Variants in NALF1 observed in about 807,000 individuals in gnomAD.
The protein encoded by NALF1 is NALCN channel auxiliary factor 1, also known as family with sequence similarity 155 member A.
Under a neutral mutation model 48.4 loss-of-function variants are expected in NALF1, and 3 were observed. The ratio of observed to expected loss-of-function variants is 0.06; its 90% CI spans 0.03 to 0.16. The LOEUF (loss-of-function observed/expected upper bound fraction) is 0.16, where lower values mean the gene tolerates loss of function less well. Ranked by LOEUF, NALF1 falls within the 10% of genes least tolerant of loss-of-function variation. The pLI is 1.00. For synonymous variants in NALF1, 262 were observed against 245.7 expected, an observed-to-expected ratio of 1.07 and a Z score of -0.62; for missense variants, 526 against 571.5, an observed-to-expected ratio of 0.92 and a Z score of 0.81.
intron 1 of NALF1, among the ~76,000 whole-genome samples, chr13:107,375,146 C>T (rs1883315313): frequency 6.6e-6 from 1 of 152,132 alleles, no homozygotes; most frequent in East Asian, 1.9e-4. Context: ...ATTTTAGCAA[C>T]TATTATCCAA....
chr13:107,834,157 G>C (rs909048919), intron 1 of NALF1, among the ~76,000 whole-genome samples: 1 of 152,142 alleles, frequency 6.6e-6, no homozygotes, highest in Non-Finnish European at 1.5e-5. Flanking sequence ...GAGTAATCTA[G>C]AGATGATTTA....
intron 1 of NALF1, among the ~76,000 whole-genome samples, chr13:107,664,862 T>G (rs1880817690): frequency 6.6e-6 from 1 of 152,118 alleles, no homozygotes; most frequent in South Asian, 2.1e-4. Context: ...ATTTGGTGTG[T>G]CTCTGCCCAG....
intron 1 of NALF1, among the ~76,000 whole-genome samples, chr13:107,360,336 C>T (rs1308026728): frequency 6.6e-6 from 1 of 152,134 alleles, no homozygotes; most frequent in Non-Finnish European, 1.5e-5. Context: ...ATTCAGACCC[C>T]AAATTGTATT....
intron 1 of NALF1, among the ~76,000 whole-genome samples, chr13:107,359,749 C>G (rs573052579): frequency 2.0e-5 from 3 of 152,066 alleles, no homozygotes; most frequent in African/African-American, 7.2e-5. Context: ...AATCAAAGAG[C>G]GCTTAAGGGC....
At chr13:107,741,422 C>A (rs1027516068) in intron 1 of NALF1, among the ~76,000 whole-genome samples, 1 of 152,136 alleles carries the variant, frequency 6.6e-6, no homozygotes, top group Non-Finnish European at 1.5e-5. Flanking sequence ...AGGATAAATG[C>A]TTTCATTATT....
At chr13:107,723,487 G>A (rs992673825) in intron 1 of NALF1, among the ~76,000 whole-genome samples, 4 of 152,170 alleles carry the variant, frequency 2.6e-5, no homozygotes, top group Non-Finnish European at 4.4e-5. Flanking sequence ...CTGAATGAAT[G>A]AGAGCATGTG....
rs1010016952 is a variant in NALF1 at position 107,362,056 on chromosome 13, G to A, written c.916-151301C>T. Among the ~76,000 whole-genome samples, 7 of 152,090 alleles carry A rather than the reference G, an allele frequency of 4.6e-5. No individual in the cohort carries two copies. Among genetic ancestry groups the A allele is most frequent in the African/African-American group, 1.2e-4 (5 of 41,408 alleles). ...CCTGAGAAACTAGTAAACAGAAGTC[G>A]CACTGCCAGCCTGCAGTGCATAGGT... On this transcript the variant is annotated intron_variant, in intron 1 of 2. Coordinates refer to ENST00000375915, the MANE Select transcript of NALF1 (RefSeq NM_001080396.3). The surrounding 1 kb of genome is among the most constrained non-coding windows in gnomAD (Gnocchi z 4.6).
intron 1 of NALF1, among the ~76,000 whole-genome samples, chr13:107,844,514 A>C (rs1013109910): frequency 7.9e-5 from 12 of 152,166 alleles, no homozygotes; most frequent in African/African-American, 2.9e-4. Flanking sequence ...ACTGAATTCA[A>C]TATTCAGTAG....
chr13:107,573,987 G>A lies in NALF1; in HGVS notation c.915+291695C>T, dbSNP rs114015490. Among the ~76,000 whole-genome samples, 1,099 of 152,132 alleles carry A rather than the reference G, an allele frequency of 7.2e-3. 8 individuals are homozygous for A. Among genetic ancestry groups the A allele is most frequent in the South Asian group, 0.027 (132 of 4,818 alleles). ...GAACAGACTAATACATTCCCCCATCGCTCTTTCTTGCTACAGTAAAATCAT... is the reference window on the plus strand; with the variant it reads ...GAACAGACTAATACATTCCCCCATCACTCTTTCTTGCTACAGTAAAATCAT... On this transcript the variant is annotated intron_variant, in intron 1 of 2. Coordinates refer to ENST00000375915, the MANE Select transcript of NALF1 (RefSeq NM_001080396.3).
chr13:107,816,051 C>T lies in NALF1; in HGVS notation c.915+49631G>A, dbSNP rs148769849. Among the ~76,000 whole-genome samples the T allele has an allele frequency of 5.9e-5, 9 of 152,168 alleles. No individual in the cohort carries two copies. The East Asian group carries it at 1.2e-3, about 20-fold the overall frequency. On this transcript the variant is annotated intron_variant, in intron 1 of 2. Transcript: ENST00000375915. ...CGGACAGAGAAAAATGTTCCAAAAG[C>T]GTTTATGGTGATGGTTGCCTAACTC...
intron 2 of NALF1, among the ~76,000 whole-genome samples, chr13:107,204,952 T>C (rs1879604081): frequency 6.6e-6 from 1 of 151,690 alleles, no homozygotes; most frequent in Non-Finnish European, 1.5e-5. Flanking sequence ...TTAAAATCTA[T>C]AGAGGTATTT....
chr13:107,189,272 T>G (rs1879235193), intron 2 of NALF1, among the ~76,000 whole-genome samples: 1 of 152,204 alleles, frequency 6.6e-6, no homozygotes. Flanking sequence ...AACAGAAATC[T>G]AACACACACT....
intron 1 of NALF1, among the ~76,000 whole-genome samples, chr13:107,810,871 T>C (rs3905075): frequency 0.65 from 98,407 of 151,992 alleles, 32,465 homozygotes; most frequent in African/African-American, 0.76. Context: ...GTCAATCTTC[T>C]CATTAATCTC....
chr13:107,822,948 G>C (rs1043550803), intron 1 of NALF1, among the ~76,000 whole-genome samples: 1 of 152,176 alleles, frequency 6.6e-6, no homozygotes, highest in Admixed American at 6.5e-5. Flanking sequence ...TCCTTCAGTT[G>C]GGTTTCAATA....
intron 1 of NALF1, among the ~76,000 whole-genome samples, chr13:107,845,364 TG>T (rs1880143806): frequency 6.6e-6 from 1 of 152,176 alleles, no homozygotes; most frequent in South Asian, 2.1e-4. Context: ...ATGTCCAGTG[TG>T]TGCTGTGGAA....
At chr13:107,837,700 C>T (rs569943263) in intron 1 of NALF1, among the ~76,000 whole-genome samples, 1 of 151,076 alleles carries the variant, frequency 6.6e-6, no homozygotes, top group East Asian at 2.0e-4. Context: ...TCCCAGGAGT[C>T]AGCGTGACAT....
At chr13:107,652,299 T>A (rs1041649596) in intron 1 of NALF1, among the ~76,000 whole-genome samples, 1 of 152,210 alleles carries the variant, frequency 6.6e-6, no homozygotes, top group Non-Finnish European at 1.5e-5. Flanking sequence ...CCTTTGTTAT[T>A]AAGATTGTTT....
intron 1 of NALF1, among the ~76,000 whole-genome samples, chr13:107,245,231 C>A (rs1880556496): frequency 6.6e-6 from 1 of 152,134 alleles, no homozygotes; most frequent in Non-Finnish European, 1.5e-5. Flanking sequence ...ATAATGATAG[C>A]TACTTCTATA....
At chr13:107,424,231 AG>A (rs1208141519) in intron 1 of NALF1, among the ~76,000 whole-genome samples, 1 of 152,130 alleles carries the variant, frequency 6.6e-6, no homozygotes, top group Non-Finnish European at 1.5e-5. Context: ...TCCACCTCCC[AG>A]GCTTAAGCCT....
Sources: allele counts gnomAD v4.1 joint callset (sites outside exome capture counted in the v4.1 genomes callset), GRCh38; gene constraint gnomAD v4.1.1; non-coding constraint Gnocchi (gnomAD v3.1); transcripts MANE v1.5; gene names NCBI Gene and HGNC (gene_info 2026-07-23, HGNC 2026-07-21).